The following TBC1D14 variants were observed in gnomAD, a reference collection of about 807,000 sequenced individuals.
TBC1D14 encodes the protein TBC1 domain family member 14, also known as TBC1 domain family, member 14.
In TBC1D14, 26 loss-of-function variants were observed where a neutral mutation model predicts 79.0. The ratio of observed to expected loss-of-function variants is 0.33; its 90% confidence interval spans 0.24 to 0.46. TBC1D14 has a LOEUF of 0.46. Among genes scored for constraint, TBC1D14 ranks in the 20% least tolerant of loss-of-function variants. TBC1D14 has a pLI of 1.00. For missense variants in TBC1D14, 769 were observed against 887.6 expected, an observed-to-expected ratio of 0.87 and a Z score of 1.70; for synonymous variants, 394 against 349.9, an observed-to-expected ratio of 1.13 and a Z score of -1.40.
intron 9 of TBC1D14, among the ~76,000 whole-genome samples, chr4:7,008,814 A>C (rs1477191685): frequency 1.3e-5 from 2 of 152,244 alleles, no homozygotes; most frequent in Admixed American, 6.5e-5. Context: ...AGTTAAACAC[A>C]TTTAGCTTTA....
intron 2 of TBC1D14, among the ~76,000 whole-genome samples, chr4:6,943,412 A>G (rs1300748617): frequency 6.6e-6 from 1 of 152,146 alleles, no homozygotes; most frequent in African/African-American, 2.4e-5. Context: ...CTCTTGCCCA[A>G]GTGATAGTTC....
intron 2 of TBC1D14, among the ~76,000 whole-genome samples, chr4:6,951,211 G>A (rs1322208277): frequency 6.6e-6 from 1 of 152,150 alleles, no homozygotes; most frequent in Non-Finnish European, 1.5e-5. Flanking sequence ...AGAATCGCTT[G>A]AACCCAAGAG....
intron 11 of TBC1D14, among the ~76,000 whole-genome samples, chr4:7,014,008 C>T (rs886254072): frequency 1.3e-5 from 2 of 152,230 alleles, no homozygotes; most frequent in African/African-American, 4.8e-5. Flanking sequence ...CTCGGCCTCC[C>T]AAAGTGCTGG....
At chr4:7,005,216 A>G (rs910710552) in intron 8 of TBC1D14, among the ~76,000 whole-genome samples, 8 of 152,092 alleles carry the variant, frequency 5.3e-5, no homozygotes, top group African/African-American at 1.9e-4. Context: ...CCTGGCCAAC[A>G]TGGTGAAACC....
chr4:6,993,297 C>T (rs1005488600), intron 3 of TBC1D14, among the ~76,000 whole-genome samples: 2 of 152,114 alleles, frequency 1.3e-5, no homozygotes, highest in East Asian at 3.8e-4. Context: ...TTGCACAGAG[C>T]GAAGTACCTA....
At chr4:7,004,532 A>G (rs1220183718) in intron 7 of TBC1D14, among the ~76,000 whole-genome samples, 1 of 152,212 alleles carries the variant, frequency 6.6e-6, no homozygotes, top group Non-Finnish European at 1.5e-5. Flanking sequence ...GTCTTGCCCC[A>G]GGGATCTTGC....
intron 2 of TBC1D14, 137 bp downstream of exon 2, chr4:6,924,248 C>A: frequency 8.3e-7 from 1 of 1,200,026 alleles, no homozygotes; most frequent in Non-Finnish European, 1.1e-6. Context: ...GGTCTTTTCC[C>A]AGAAGCCCGG....
chr4:6,913,729 T>A (rs561026230), intron 1 of TBC1D14, among the ~76,000 whole-genome samples: 3 of 152,352 alleles, frequency 2.0e-5, no homozygotes, highest in Middle Eastern at 3.4e-3. Context: ...TCCTAATGTA[T>A]CATTTGCCTC....
At chr4:6,980,083 T>G (rs1327057073) in intron 3 of TBC1D14, among the ~76,000 whole-genome samples, 3 of 152,024 alleles carry the variant, frequency 2.0e-5, no homozygotes, top group Non-Finnish European at 2.9e-5. Flanking sequence ...CACAGCACCC[T>G]CCAGCAAAAG....
intron 3 of TBC1D14, among the ~76,000 whole-genome samples, chr4:6,979,675 C>T (rs552769729): frequency 6.6e-6 from 1 of 152,104 alleles, no homozygotes; most frequent in African/African-American, 2.4e-5. Context: ...AAGAAACTCA[C>T]TTCAAATATA....
chr4:6,990,084 G>GT (rs953036650), intron 3 of TBC1D14, among the ~76,000 whole-genome samples: 51 of 152,148 alleles, frequency 3.4e-4, no homozygotes, highest in Admixed American at 1.4e-3. Context: ...TTATTGTTTT[G>GT]TTTTTTTTAA....
chr4:7,016,411 T>G (rs537122924), intron 12 of TBC1D14, among the ~76,000 whole-genome samples: 4 of 152,332 alleles, frequency 2.6e-5, no homozygotes, highest in African/African-American at 9.6e-5. Flanking sequence ...ACCGTGTGCA[T>G]TTGACTGCGA....
chr4:7,017,169 G>A (rs948420851), intron 12 of TBC1D14, among the ~76,000 whole-genome samples: 9 of 152,088 alleles, frequency 5.9e-5, no homozygotes, highest in Admixed American at 1.3e-4. Flanking sequence ...GCATGGTGGC[G>A]CGTACCTGTA....
At chr4:7,018,269 A>C (rs1721474594) in intron 12 of TBC1D14, among the ~76,000 whole-genome samples, 1 of 152,218 alleles carries the variant, frequency 6.6e-6, no homozygotes, top group African/African-American at 2.4e-5. Context: ...CTGCCTGAGC[A>C]AGAGAGCCTT....
At chr4:6,964,558 G>T (rs1715531533) in intron 2 of TBC1D14, among the ~76,000 whole-genome samples, 1 of 152,200 alleles carries the variant, frequency 6.6e-6, no homozygotes, top group Non-Finnish European at 1.5e-5. Flanking sequence ...GTCCTTCACT[G>T]ATGGCGAAAT....
At chr4:7,007,431 C>T in intron 9 of TBC1D14, 1 of 718,978 alleles carries the variant, frequency 1.4e-6, no homozygotes, top group Non-Finnish European at 2.0e-6. Flanking sequence ...CTTTTGATCC[C>T]TTTCTTATCT....
chr4:6,913,258 G>C (rs1288508923), intron 1 of TBC1D14, among the ~76,000 whole-genome samples: 1 of 152,168 alleles, frequency 6.6e-6, no homozygotes, highest in Non-Finnish European at 1.5e-5. Flanking sequence ...GCCTCCCAAA[G>C]TGCTGGGATT....
At chr4:7,005,154 C>T (rs1229946151) in intron 8 of TBC1D14, among the ~76,000 whole-genome samples, 3 of 152,086 alleles carry the variant, frequency 2.0e-5, no homozygotes, top group African/African-American at 7.2e-5. Context: ...AATCCCAGCA[C>T]TTTGGGAGGC....
chr4:6,999,014 G>A (rs1719381057), intron 5 of TBC1D14, 71 bp from the exon 6 acceptor site: 2 of 1,508,918 alleles, frequency 1.3e-6, no homozygotes, highest in Admixed American at 1.7e-5. Context: ...AGTGTGACAG[G>A]AAAATCACCT....
Sources: gnomAD v4.1 joint callset for allele counts (sites outside exome capture counted in the v4.1 genomes callset) on GRCh38, gnomAD v4.1.1 for gene constraint, MANE v1.5 for transcripts, NCBI Gene and HGNC (gene_info 2026-07-23, HGNC 2026-07-21) for gene names.